VPS54: variants seen among roughly 807,000 people sequenced by gnomAD.
VPS54 encodes the protein vacuolar protein sorting-associated protein 54.
A neutral mutation model predicts 121.5 loss-of-function variants in VPS54; 45 were observed. That is an observed-to-expected ratio of 0.37 (90% CI 0.29 to 0.47). The LOEUF (loss-of-function observed/expected upper bound fraction) is 0.47, where lower values mean the gene tolerates loss of function less well. Among genes scored for constraint, VPS54 ranks in the 20% least tolerant of loss-of-function variants. The probability of loss-of-function intolerance (pLI) is 0.99; values close to 1 mark genes in which losing one functional copy is unlikely to be tolerated. For synonymous variants in VPS54, 371 were observed against 385.8 expected (o/e 0.96, Z 0.45); for missense variants, 1,090 against 1,131.4 (o/e 0.96, Z 0.52).
chr2:63,957,524 A>T (rs1261816729), intron 7 of VPS54, among the ~76,000 whole-genome samples: 1 of 152,066 alleles, frequency 6.6e-6, no homozygotes, highest in Admixed American at 6.5e-5. Context: ...AATCATTCAA[A>T]ATTTTTTAAA....
chr2:63,985,076 T>G (rs1185170964), intron 1 of VPS54, among the ~76,000 whole-genome samples: 1 of 152,136 alleles, frequency 6.6e-6, no homozygotes, highest in Non-Finnish European at 1.5e-5. Flanking sequence ...TCTCAGCACT[T>G]TGGGAGGCCA....
intron 1 of VPS54, among the ~76,000 whole-genome samples, chr2:64,010,348 A>G (rs1678373774): frequency 6.6e-6 from 1 of 152,146 alleles, no homozygotes; most frequent in Non-Finnish European, 1.5e-5. Flanking sequence ...CTCAAATTTC[A>G]TTTCTCCAAA....
intron 3 of VPS54, among the ~76,000 whole-genome samples, chr2:63,980,951 A>G (rs1342830785): frequency 6.6e-6 from 1 of 152,122 alleles, no homozygotes; most frequent in African/African-American, 2.4e-5. Context: ...AAAATGAACC[A>G]GATGCTATAT....
intron 7 of VPS54, among the ~76,000 whole-genome samples, chr2:63,960,134 G>C (rs926617494): frequency 4.6e-5 from 7 of 151,726 alleles, no homozygotes; most frequent in African/African-American, 1.7e-4. Context: ...GGTGGGTGGG[G>C]AGTTAACAGG....
chr2:63,892,725 G>A lies in VPS54; in HGVS notation c.*705C>T, dbSNP rs1672272589. ...TATTTAGTTGCATAAATAGATGCCA[G>A]GATCTTTTTTTTTAAGTATTAATTA... On this transcript the variant is annotated 3_prime_UTR_variant, in exon 23 of 23. Transcript: ENST00000272322. 1.7e-5 allele frequency: 1 copy of A among 60,000 alleles called. No homozygotes were observed. Among genetic ancestry groups the A allele is most frequent in the Non-Finnish European group, 3.6e-5 (1 of 27,854 alleles). The allele number at this position is 60,000 out of a possible 1,614,324, so 3.7% of individuals were successfully genotyped here. A position where few individuals can be genotyped will look rare whatever the true frequency, so the allele number is the denominator to read the frequency against.
chr2:63,905,461 A>G (rs1672864221), intron 20 of VPS54, among the ~76,000 whole-genome samples: 1 of 152,130 alleles, frequency 6.6e-6, no homozygotes, highest in Non-Finnish European at 1.5e-5. Context: ...CATTCAAAGA[A>G]ACAAACTTCC....
chr2:63,962,467 A>T (rs1675814455), intron 6 of VPS54, 24 bp from the exon 7 acceptor site: 3 of 1,578,312 alleles, frequency 1.9e-6, no homozygotes, highest in Non-Finnish European at 2.6e-6. Context: ...GAAAAAAAAT[A>T]TGAAGTACTA....
chr2:63,993,470 A>AT (rs1189951632), intron 1 of VPS54, among the ~76,000 whole-genome samples: 1 of 152,126 alleles, frequency 6.6e-6, no homozygotes, highest in African/African-American at 2.4e-5. Context: ...TACTGGGCTA[A>AT]TAGTTCAACA....
intron 7 of VPS54, among the ~76,000 whole-genome samples, chr2:63,949,970 C>T (rs1202969149): frequency 2.6e-5 from 4 of 152,174 alleles, no homozygotes; most frequent in Non-Finnish European, 5.9e-5. Context: ...GGCACTGCTG[C>T]TTCTATCTCT....
chr2:63,896,440 A>ATTT (rs1415047598), intron 22 of VPS54, among the ~76,000 whole-genome samples: 3 of 152,184 alleles, frequency 2.0e-5, no homozygotes, highest in Non-Finnish European at 4.4e-5. Flanking sequence ...TTCAGTGTTC[A>ATTT]TTATTGTCCT....
At chr2:63,939,829 T>C (rs1391679921) in intron 11 of VPS54, among the ~76,000 whole-genome samples, 2 of 152,034 alleles carry the variant, frequency 1.3e-5, no homozygotes, top group Non-Finnish European at 2.9e-5. Context: ...AGCACCATCT[T>C]GGCTCACTGC....
chr2:63,941,187 C>G (rs1298046535), intron 11 of VPS54, among the ~76,000 whole-genome samples: 2 of 152,134 alleles, frequency 1.3e-5, no homozygotes, highest in Non-Finnish European at 2.9e-5. Flanking sequence ...TTAACTGTTA[C>G]ACATGGTAAT....
At chr2:63,994,234 G>T (rs965534914) in intron 1 of VPS54, among the ~76,000 whole-genome samples, 3 of 152,022 alleles carry the variant, frequency 2.0e-5, no homozygotes, top group African/African-American at 7.2e-5. Context: ...ATTTATATTA[G>T]CCTGAAAATA....
At chr2:63,939,767 C>CTTT (rs70965152) in intron 11 of VPS54, among the ~76,000 whole-genome samples, 6 of 146,602 alleles carry the variant, frequency 4.1e-5, no homozygotes, top group Admixed American at 4.1e-4. Context: ...TACATCTTGC[C>CTTT]TTTTTTTTTT....
At chr2:63,922,951 G>A (rs1673712689) in intron 12 of VPS54, among the ~76,000 whole-genome samples, 2 of 151,600 alleles carry the variant, frequency 1.3e-5, no homozygotes, top group African/African-American at 4.8e-5. Context: ...AAAAAAGAGT[G>A]AATTAATCCA....
chr2:64,011,030 A>G (rs1216116691), intron 1 of VPS54, among the ~76,000 whole-genome samples: 1 of 152,236 alleles, frequency 6.6e-6, no homozygotes, highest in East Asian at 1.9e-4. Context: ...ATTTAGTGAC[A>G]AGAAACAATA....
intron 1 of VPS54, among the ~76,000 whole-genome samples, chr2:63,999,686 A>G: frequency 6.6e-6 from 1 of 152,002 alleles, no homozygotes; most frequent in Admixed American, 6.6e-5. Flanking sequence ...TTTTACCCCT[A>G]TCTCTTTCTC....
At chr2:64,013,558 T>TTTATA (rs1678529661) in intron 1 of VPS54, among the ~76,000 whole-genome samples, 1 of 147,604 alleles carries the variant, frequency 6.8e-6, no homozygotes, top group Non-Finnish European at 1.5e-5. Context: ...TATATATATA[T>TTTATA]GATATATATA....
intron 3 of VPS54, among the ~76,000 whole-genome samples, chr2:63,976,578 T>C (rs576290095): frequency 6.6e-6 from 1 of 152,186 alleles, no homozygotes; most frequent in East Asian, 1.9e-4. Context: ...GCCTGGTGAT[T>C]TCTGCTTTGA....
Sources: allele counts gnomAD v4.1 joint callset (sites outside exome capture counted in the v4.1 genomes callset), GRCh38; gene constraint gnomAD v4.1.1; transcripts MANE v1.5; gene names NCBI Gene and HGNC (gene_info 2026-07-23, HGNC 2026-07-21).